The following WDFY4 variants were observed in gnomAD, a reference collection of about 807,000 sequenced individuals.
WDFY4 encodes WDFY family member 4, also known as WD repeat- and FYVE domain-containing protein 4.
In WDFY4, 169 loss-of-function variants were observed where a neutral mutation model predicts 351.9. The ratio of observed to expected loss-of-function variants is 0.48; its 90% CI spans 0.42 to 0.55. The LOEUF is 0.55. WDFY4 is among the 20% of genes least tolerant of loss of function. The pLI, the probability that WDFY4 is intolerant of heterozygous loss-of-function variation, is 0.00. For synonymous variants in WDFY4, 1,622 were observed against 1,574.6 expected, an observed-to-expected ratio of 1.03 and a Z score of -0.71; for missense variants, 3,803 against 3,935.6, an observed-to-expected ratio of 0.97 and a Z score of 0.90.
At chr10:48,939,978 C>G (rs1200824834) in intron 47 of WDFY4, among the ~76,000 whole-genome samples, 1 of 152,212 alleles carries the variant, frequency 6.6e-6, no homozygotes, top group East Asian at 1.9e-4. Context: ...TTTCCTGGAT[C>G]CTAACAGGCA....
chr10:48,881,095 G>A (rs578260092), intron 43 of WDFY4, among the ~76,000 whole-genome samples: 3 of 152,248 alleles, frequency 2.0e-5, no homozygotes, highest in African/African-American at 7.2e-5. Flanking sequence ...TTGACATGGG[G>A]CTGTGTCTCT....
At chr10:48,876,958 G>A in intron 42 of WDFY4, 75 bp from the exon 43 acceptor site, 1 of 1,375,176 alleles carries the variant, frequency 7.3e-7, no homozygotes, top group Non-Finnish European at 9.5e-7. Flanking sequence ...GGTGATGTAG[G>A]CACATGCTGT....
intron 11 of WDFY4, among the ~76,000 whole-genome samples, chr10:48,737,326 A>G (rs1221610879): frequency 6.6e-6 from 1 of 152,118 alleles, no homozygotes; most frequent in African/African-American, 2.4e-5. Flanking sequence ...CTCATGTTTC[A>G]TTAACATGAT....
At chr10:48,793,550 C>A (rs574614016) in intron 23 of WDFY4, among the ~76,000 whole-genome samples, 11 of 152,102 alleles carry the variant, frequency 7.2e-5, no homozygotes, top group Non-Finnish European at 1.6e-4. Context: ...CTCCCTCATC[C>A]TTTTCTAGGC....
rs60828193 is a variant in WDFY4, at chr10:48,853,498, C to G, written c.6664-13767C>G. Among the ~76,000 whole-genome samples, 228 of 152,288 alleles carry G rather than the reference C, an allele frequency of 1.5e-3. 4 individuals are homozygous for G. In the East Asian group the frequency reaches 0.04, roughly 27 times the overall value. On this transcript the variant is annotated intron_variant, in intron 39 of 61. Coordinates refer to ENST00000325239, the MANE Select transcript of WDFY4 (RefSeq NM_001394531.1). ...CTCCAGATGGTTCTTGAGTGGGATT[C>G]TTCCACAATACTGAGTCCACCATGT...
At position 48,760,360 on chromosome 10, in the gene WDFY4, G is replaced by C; in HGVS notation, c.2473G>C (p.Asp825His). The stretch of plus-strand genomic sequence containing the variant: ...CTCTCTCTGCAGGATGGATGAGGGA[G>C]ATGCTGCAATCATGCATCCCGGGGT... Reference protein sequence around the residue: ...PDLEERMDEGDAAIMHPGVVC... With the variant: ...PDLEERMDEGHAAIMHPGVVC... The change falls in exon 13 of 62, where the codon GAT (aspartate) becomes CAT (histidine). Residue 825 changes from aspartate (D) to histidine (H), a missense_variant. This residue lies in a region of WDFY4 where 3,054 missense variants were observed against 3,148.6 expected (regional missense o/e 0.97). Coordinates refer to ENST00000325239, the MANE Select transcript of WDFY4 (RefSeq NM_001394531.1). 6.4e-7 allele frequency: 1 copy of C among 1,551,650 alleles called. No homozygotes were observed. The highest frequency in any genetic ancestry group is 2.4e-5 in the East Asian group (1 of 40,928).
intron 1 of WDFY4, among the ~76,000 whole-genome samples, chr10:48,695,787 G>A (rs2063315310): frequency 6.6e-6 from 1 of 151,898 alleles, no homozygotes; most frequent in Non-Finnish European, 1.5e-5. Flanking sequence ...CTCAACCATA[G>A]CCAAACTGTA....
At chr10:48,694,476 C>T (rs1041308139) in intron 1 of WDFY4, among the ~76,000 whole-genome samples, 5 of 152,114 alleles carry the variant, frequency 3.3e-5, no homozygotes, top group African/African-American at 1.2e-4. Flanking sequence ...TAGCCTCCTC[C>T]ACCCCCATGT....
intron 47 of WDFY4, among the ~76,000 whole-genome samples, chr10:48,920,789 T>G (rs1267987046): frequency 6.6e-6 from 1 of 152,220 alleles, no homozygotes; most frequent in Non-Finnish European, 1.5e-5. Context: ...TTCTTGGAAC[T>G]AATAAGTGAG....
intron 1 of WDFY4, among the ~76,000 whole-genome samples, chr10:48,704,955 C>T (rs566755917): frequency 7.2e-5 from 3 of 41,916 alleles, no homozygotes; most frequent in Non-Finnish European, 1.7e-4. Flanking sequence ...GCTAGAGGGG[C>T]CCTGGTGAGA....
chr10:48,697,996 T>A (rs576653794), intron 1 of WDFY4, among the ~76,000 whole-genome samples: 3 of 152,282 alleles, frequency 2.0e-5, no homozygotes, highest in South Asian at 4.1e-4. Context: ...CATGGCCCCA[T>A]GCACATTTGT....
intron 13 of WDFY4, among the ~76,000 whole-genome samples, chr10:48,768,801 G>T (rs577690581): frequency 6.6e-6 from 1 of 152,106 alleles, no homozygotes; most frequent in South Asian, 2.1e-4. Flanking sequence ...TATGGACAGT[G>T]CTGGTTGGGA....
At chr10:48,776,690 AG>A (rs777708922) in intron 15 of WDFY4, 59 bp from the exon 16 acceptor site, 62,222 of 1,412,328 alleles carry the variant, frequency 0.044, 1,649 homozygotes, top group Middle Eastern at 0.055. Context: ...GGTTATTGTC[AG>A]AAGCGAGACA....
intron 16 of WDFY4, 48 bp downstream of exon 16, chr10:48,777,032 G>T: frequency 6.6e-7 from 1 of 1,513,140 alleles, no homozygotes; most frequent in Non-Finnish European, 8.9e-7. Context: ...TAATTTTGCA[G>T]TGCCTCTGAT....
At chr10:48,841,695 G>A (rs1350008002) in intron 39 of WDFY4, among the ~76,000 whole-genome samples, 1 of 152,094 alleles carries the variant, frequency 6.6e-6, no homozygotes, top group Non-Finnish European at 1.5e-5. Flanking sequence ...GTGAATCAAT[G>A]GAATATTCTC....
At chr10:48,943,598 C>CTTTTTT (rs373976945) in intron 49 of WDFY4, 149 bp downstream of exon 49, 6 of 646,372 alleles carry the variant, frequency 9.3e-6, no homozygotes, top group African/African-American at 7.7e-5. Context: ...GCTCAGATCT[C>CTTTTTT]TTTTTTTTTT....
intron 39 of WDFY4, among the ~76,000 whole-genome samples, chr10:48,861,874 T>C (rs559631625): frequency 6.6e-6 from 1 of 152,202 alleles, no homozygotes; most frequent in African/African-American, 2.4e-5. Flanking sequence ...TAAGACTTTG[T>C]TCATTTTTTC....
intron 39 of WDFY4, among the ~76,000 whole-genome samples, chr10:48,839,218 C>T (rs2068512999): frequency 6.6e-6 from 1 of 152,138 alleles, no homozygotes; most frequent in African/African-American, 2.4e-5. Context: ...ACTGGTACAA[C>T]AGAGCTGAGC....
At chr10:48,721,236 C>A (rs1406303210) in intron 3 of WDFY4, 25 bp from the exon 4 acceptor site, 1 of 1,546,388 alleles carries the variant, frequency 6.5e-7, no homozygotes. Flanking sequence ...TCGCTGTATG[C>A]CCTGCTGGTG....
Sources: gnomAD v4.1 joint callset for allele counts (sites outside exome capture counted in the v4.1 genomes callset) on GRCh38, gnomAD v4.1.1 for gene constraint, gnomAD v4.1.1 regional missense constraint, MANE v1.5 for transcripts, NCBI Gene and HGNC (gene_info 2026-07-23, HGNC 2026-07-21) for gene names.